FRS2: variants seen among roughly 807,000 people sequenced by gnomAD.
The protein encoded by FRS2 is fibroblast growth factor receptor substrate 2.
FRS2 carries 8 observed loss-of-function variants against 43.9 expected under a neutral mutation model. The observed-to-expected ratio is 0.18, with a 90% CI of 0.11 to 0.33. The LOEUF is 0.33. Among genes scored for constraint, FRS2 ranks in the 10% least tolerant of loss-of-function variants. FRS2 has a pLI of 1.00. For missense variants in FRS2, 534 were observed against 627.6 expected, an observed-to-expected ratio of 0.85 and a Z score of 1.59; for synonymous variants, 219 against 220.3, an observed-to-expected ratio of 0.99 and a Z score of 0.05.
intron 1 of FRS2, among the ~76,000 whole-genome samples, chr12:69,491,367 A>G (rs990662987): frequency 1.3e-5 from 2 of 152,122 alleles, no homozygotes; most frequent in Non-Finnish European, 1.5e-5. Flanking sequence ...AAGTGCTGCG[A>G]TTAATAGTCG....
chr12:69,532,835 C>T (rs1876936782), intron 3 of FRS2, among the ~76,000 whole-genome samples: 1 of 152,154 alleles, frequency 6.6e-6, no homozygotes, highest in African/African-American at 2.4e-5. Context: ...TTGATATTGA[C>T]TTGTTATTCT....
rs1046359325 is a variant in FRS2, at chr12:69,569,008, A to T, written c.-23A>T. On this transcript the variant is annotated 5_prime_UTR_variant, in exon 5 of 9. Coordinates refer to ENST00000549921, the MANE Select transcript of FRS2 (RefSeq NM_001278356.2). ...TTCCAAATTATTTTTCATGTAGTGC[A>T]CACATGGTCTTCTGAAGAAGCCATG... is the stretch of plus-strand genomic sequence containing the variant. 1.3e-6 allele frequency: 2 copies of T among 1,554,408 alleles called. No individual in the cohort carries two copies. Among genetic ancestry groups the T allele is most frequent in the Non-Finnish European group, 1.8e-6 (2 of 1,132,834 alleles).
At chr12:69,537,646 G>C (rs1408027660) in intron 3 of FRS2, among the ~76,000 whole-genome samples, 1 of 151,274 alleles carries the variant, frequency 6.6e-6, no homozygotes, top group Admixed American at 6.6e-5. Context: ...ATAATGTATT[G>C]AGGGCGTTAT....
intron 1 of FRS2, among the ~76,000 whole-genome samples, chr12:69,506,355 A>G (rs1237979505): frequency 6.6e-6 from 1 of 152,102 alleles, no homozygotes; most frequent in Admixed American, 6.5e-5. Context: ...AATTGGTTTG[A>G]TCCTGGATCC....
At chr12:69,563,929 T>A (rs889388242) in intron 4 of FRS2, among the ~76,000 whole-genome samples, 6 of 152,160 alleles carry the variant, frequency 3.9e-5, no homozygotes, top group African/African-American at 1.4e-4. Context: ...TCTGTCTTGA[T>A]CCATCAATTA....
At chr12:69,496,284 A>G (rs913700946) in intron 1 of FRS2, among the ~76,000 whole-genome samples, 3 of 152,108 alleles carry the variant, frequency 2.0e-5, no homozygotes, top group Non-Finnish European at 4.4e-5. Flanking sequence ...AAAATACAAA[A>G]AAATTAGCCG....
At chr12:69,529,898 A>T (rs999756496) in intron 1 of FRS2, among the ~76,000 whole-genome samples, 3 of 151,992 alleles carry the variant, frequency 2.0e-5, no homozygotes, top group Admixed American at 2.0e-4. Context: ...TGTCTCTACT[A>T]AAAATACAAA....
intron 1 of FRS2, among the ~76,000 whole-genome samples, chr12:69,498,519 T>TTGTGTGTGTGTG (rs71094717): frequency 0.066 from 9,356 of 141,458 alleles, 437 homozygotes; most frequent in South Asian, 0.12. Flanking sequence ...TTATGAGGGT[T>TTGTGTGTGTGTG]TGTGTGTGTG....
At chr12:69,519,363 C>T (rs1450356931) in intron 1 of FRS2, among the ~76,000 whole-genome samples, 2 of 152,170 alleles carry the variant, frequency 1.3e-5, no homozygotes, top group Non-Finnish European at 2.9e-5. Context: ...TTGTATGCCT[C>T]TCTTATGCAT....
At chr12:69,490,205 A>G (rs1872344091) in intron 1 of FRS2, among the ~76,000 whole-genome samples, 1 of 152,132 alleles carries the variant, frequency 6.6e-6, no homozygotes, top group African/African-American at 2.4e-5. Flanking sequence ...AGAAGAGGGG[A>G]CCTGAGTAGT....
chr12:69,574,911 A>G lies in FRS2; in HGVS notation c.1483A>G (p.Thr495Ala). The change falls in exon 9 of 9, where the codon ACA becomes GCA. Residue 495 changes from threonine (T) to alanine (A), a missense_variant. Physicochemically the swap from Thr to Ala is moderately conservative, Grantham distance 58. Coordinates refer to ENST00000549921, the MANE Select transcript of FRS2 (RefSeq NM_001278356.2). ...LQKALPRDDG[T>A]SRKTRHNSTD... ...GAAAGCACTGCCACGAGATGATGGT[A>G]CATCTAGGAAAACTAGACACAATAG... The G allele has an allele frequency of 6.2e-7, 1 of 1,613,286 alleles. No homozygotes were observed. The highest frequency in any genetic ancestry group is 8.5e-7 in the Non-Finnish European group (1 of 1,179,296).
intron 1 of FRS2, among the ~76,000 whole-genome samples, chr12:69,530,265 A>C (rs1018038735): frequency 2.6e-5 from 4 of 151,480 alleles, no homozygotes; most frequent in Non-Finnish European, 4.4e-5. Context: ...GGGCTACCAT[A>C]TATTTCTTTT....
intron 1 of FRS2, among the ~76,000 whole-genome samples, chr12:69,512,305 G>GT (rs1441064981): frequency 2.0e-5 from 3 of 152,182 alleles, no homozygotes; most frequent in Non-Finnish European, 4.4e-5. Context: ...TAACAGGGTA[G>GT]TAATTCAGAG....
chr12:69,521,479 C>T (rs1421332727), intron 1 of FRS2, among the ~76,000 whole-genome samples: 1 of 152,136 alleles, frequency 6.6e-6, no homozygotes, highest in Non-Finnish European at 1.5e-5. Flanking sequence ...TTGTTTTGTG[C>T]TGGTTTTTAA....
chr12:69,487,743 C>G (rs957351166), intron 1 of FRS2, among the ~76,000 whole-genome samples: 1 of 152,170 alleles, frequency 6.6e-6, no homozygotes, highest in Non-Finnish European at 1.5e-5. Flanking sequence ...GCAAAGTAAA[C>G]TGAAAACCTT....
Position 69,572,275 on chromosome 12 carries a change from G to A in FRS2, c.570G>A (p.Glu190=). Reference sequence around the variant, plus strand: ...CTACACATCCTTTGCTTGTGGCTGAGGAACAAGTAAGCATGTGCTACTGTG... The same window carrying A: ...CTACACATCCTTTGCTTGTGGCTGAAGAACAAGTAAGCATGTGCTACTGTG... The part of the protein sequence containing the change: ...EESTHPLLVA[E]EQVHTYVNTT... The change falls in exon 8 of 9, where the codon GAG becomes GAA. Residue 190 remains glutamate (E), a synonymous_variant. Transcript: ENST00000549921. The A allele has an allele frequency of 6.2e-7, 1 of 1,613,104 alleles. No homozygotes were observed. Among genetic ancestry groups the A allele is most frequent in the Non-Finnish European group, 8.5e-7 (1 of 1,179,294 alleles).
rs912849172 is a variant in FRS2, at chr12:69,574,141, G to C, written c.713G>C (p.Arg238Thr). Residue 238 changes from arginine (R) to threonine (T), a missense_variant, in exon 9 of 9, where the codon AGG (arginine) becomes ACG (threonine). Physicochemically the swap from Arg to Thr is moderately conservative, Grantham distance 71 (BLOSUM62 -1). This residue lies in a region of FRS2 where 446 missense variants were observed against 494.2 expected (regional missense o/e 0.90). Transcript: ENST00000549921. Reference sequence around the variant, plus strand: ...GAAGAACCAAGTAGTATTGAGGACAGGGATCCTCAGATTCTTCTTGAACCT... The same window carrying C: ...GAAGAACCAAGTAGTATTGAGGACACGGATCCTCAGATTCTTCTTGAACCT... ...PKEEPSSIEDRDPQILLEPEG... is the reference protein window; with the variant it reads ...PKEEPSSIEDTDPQILLEPEG... 2 of 1,613,448 alleles carry C rather than the reference G, an allele frequency of 1.2e-6. No homozygotes were observed. Among genetic ancestry groups the C allele is most frequent in the Non-Finnish European group, 8.5e-7 (1 of 1,179,428 alleles).
Position 69,574,541 on chromosome 12 carries a change from T to A in FRS2, c.1113T>A (p.Asn371Lys). Residue 371 changes from asparagine to lysine, a missense_variant, in exon 9 of 9, where the codon AAT becomes AAA. By Grantham distance (94) the Asn-to-Lys change is moderately conservative. Transcript: ENST00000549921. ...AGCTAAGTAGGGATGAAGATGACAA[T>A]TTAGGACCAAAGACCCCATCTCTAA... is the stretch of plus-strand genomic sequence containing the variant. ...ARKLSRDEDD[N>K]LGPKTPSLNG... 6.2e-7 allele frequency: 1 copy of A among 1,614,112 alleles called. No homozygotes were observed. The highest frequency in any genetic ancestry group is 8.5e-7 in the Non-Finnish European group (1 of 1,180,010).
chr12:69,532,918 T>A (rs1368971566), intron 3 of FRS2, among the ~76,000 whole-genome samples: 1 of 152,210 alleles, frequency 6.6e-6, no homozygotes, highest in African/African-American at 2.4e-5. Flanking sequence ...ATAGTTCCTT[T>A]CTCCAGTTTC....
Sources: gnomAD v4.1 joint callset for allele counts (sites outside exome capture counted in the v4.1 genomes callset) on GRCh38, gnomAD v4.1.1 for gene constraint, gnomAD v4.1.1 regional missense constraint, MANE v1.5 for transcripts, NCBI Gene and HGNC (gene_info 2026-07-23, HGNC 2026-07-21) for gene names.